PRKG1: variants seen among roughly 807,000 people sequenced by gnomAD.
The protein encoded by PRKG1 is cGMP-dependent protein kinase 1.
In PRKG1, 35 loss-of-function variants were observed where a neutral mutation model predicts 88.1. The observed-to-expected ratio is 0.40, with a 90% CI of 0.30 to 0.53. The LOEUF is 0.53. Ranked by LOEUF, PRKG1 falls within the 20% of genes least tolerant of loss-of-function variation. The pLI, the probability that PRKG1 is intolerant of heterozygous loss-of-function variation, is 0.59. For synonymous variants in PRKG1, 303 were observed against 292.5 expected (o/e 1.04, Z -0.37); for missense variants, 540 against 839.8 (o/e 0.64, Z 4.41).
chr10:52,286,639 TA>T (rs1464447421), intron 14 of PRKG1, among the ~76,000 whole-genome samples: 1 of 152,030 alleles, frequency 6.6e-6, no homozygotes, highest in Non-Finnish European at 1.5e-5. Context: ...ACTATAGGTA[TA>T]CTTATTTCTC....
intron 14 of PRKG1, among the ~76,000 whole-genome samples, chr10:52,283,947 C>T (rs1258352601): frequency 2.6e-5 from 4 of 151,890 alleles, no homozygotes. Flanking sequence ...AACATGACAA[C>T]TTATATTTCT....
intron 2 of PRKG1, among the ~76,000 whole-genome samples, chr10:51,182,438 G>A (rs1837371867): frequency 6.6e-6 from 1 of 152,170 alleles, no homozygotes; most frequent in Non-Finnish European, 1.5e-5. Flanking sequence ...TTTTACTGTA[G>A]CCACTTCCCT....
intron 7 of PRKG1, among the ~76,000 whole-genome samples, chr10:52,076,001 A>T (rs1846619712): frequency 5.9e-5 from 9 of 152,222 alleles, no homozygotes; most frequent in Admixed American, 5.9e-4. Context: ...GGGATAATTT[A>T]TCAATTGATT....
intron 2 of PRKG1, among the ~76,000 whole-genome samples, chr10:51,273,158 G>T (rs1001988357): frequency 3.9e-5 from 6 of 152,102 alleles, no homozygotes; most frequent in African/African-American, 1.4e-4. Context: ...TAGAAGTGTT[G>T]CATGAAATCC....
At chr10:51,714,697 G>C (rs903075839) in intron 3 of PRKG1, among the ~76,000 whole-genome samples, 4 of 152,150 alleles carry the variant, frequency 2.6e-5, no homozygotes, top group African/African-American at 9.7e-5. Flanking sequence ...GTCACTGAAA[G>C]ACTGATTTAT....
At chr10:52,054,794 GAT>G (rs1846071479) in intron 6 of PRKG1, among the ~76,000 whole-genome samples, 1 of 152,062 alleles carries the variant, frequency 6.6e-6, no homozygotes, top group Non-Finnish European at 1.5e-5. Context: ...AGATGACACT[GAT>G]ATATTTGTGT....
In PRKG1 at chr10:51,115,985, G is replaced by A. The variant is rs576516102; in HGVS notation, c.312-37179G>A. ...TTCTTGTAGAGGAGACCGAGTACAT[G>A]TATAGGCTGGGCGAAGGAGAGAGCT... On this transcript the variant is annotated intron_variant, in intron 1 of 17. Coordinates refer to ENST00000373980, the MANE Select transcript of PRKG1 (RefSeq NM_006258.4). 3.3e-5 allele frequency among the ~76,000 whole-genome samples: 5 copies of A among 152,284 alleles called. No homozygotes were observed. In the South Asian group the frequency reaches 1.0e-3, roughly 32 times the overall value.
At chr10:51,968,737 C>A (rs1843631809) in intron 5 of PRKG1, among the ~76,000 whole-genome samples, 1 of 149,678 alleles carries the variant, frequency 6.7e-6, no homozygotes, top group South Asian at 2.1e-4. Context: ...GCAGGATAAT[C>A]GCTTAAATCC....
intron 3 of PRKG1, among the ~76,000 whole-genome samples, chr10:51,530,656 T>C (rs1442797781): frequency 6.6e-6 from 1 of 152,176 alleles, no homozygotes; most frequent in Non-Finnish European, 1.5e-5. Flanking sequence ...CCTTTGTTGA[T>C]ATTTTGCCTG....
At chr10:52,211,539 G>A (rs1443066372) in intron 9 of PRKG1, among the ~76,000 whole-genome samples, 1 of 151,842 alleles carries the variant, frequency 6.6e-6, no homozygotes, top group Non-Finnish European at 1.5e-5. Flanking sequence ...CTATCAGATG[G>A]TACAGTAATG....
At chr10:51,137,432 A>G (rs186867164) in intron 1 of PRKG1, among the ~76,000 whole-genome samples, 42 of 152,252 alleles carry the variant, frequency 2.8e-4, no homozygotes, top group African/African-American at 9.9e-4. Flanking sequence ...GGGCATCTGT[A>G]TTTTTAAAAA....
chr10:52,023,076 A>C (rs1427917241), intron 5 of PRKG1, among the ~76,000 whole-genome samples: 4 of 151,810 alleles, frequency 2.6e-5, no homozygotes, highest in Non-Finnish European at 5.9e-5. Flanking sequence ...AGCCCCCCAC[A>C]CCCCGACAGG....
At position 52,227,972 on chromosome 10, in the gene PRKG1, C is replaced by A. The variant is rs539149315; in HGVS notation, c.1077-23598C>A. ...TCTTTCCCTTTCCAGAGGAAGTTAGCGATGCCATAGCTTTAATGTCTGTTT... is the reference window on the plus strand; with the variant it reads ...TCTTTCCCTTTCCAGAGGAAGTTAGAGATGCCATAGCTTTAATGTCTGTTT... On this transcript the variant is annotated intron_variant, in intron 9 of 17. Coordinates refer to ENST00000373980, the MANE Select transcript of PRKG1 (RefSeq NM_006258.4). 1.2e-4 allele frequency among the ~76,000 whole-genome samples: 18 copies of A among 152,186 alleles called. No individual in the cohort carries two copies. The South Asian group carries it at 3.5e-3, about 30-fold the overall frequency.
At chr10:51,765,981 T>C (rs1030391034) in intron 3 of PRKG1, among the ~76,000 whole-genome samples, 1 of 152,078 alleles carries the variant, frequency 6.6e-6, no homozygotes, top group Non-Finnish European at 1.5e-5. Flanking sequence ...ATGAGTACAC[T>C]CTTCCTGGCT....
chr10:52,292,502 C>G (rs1842274693), intron 17 of PRKG1, among the ~76,000 whole-genome samples: 2 of 151,900 alleles, frequency 1.3e-5, no homozygotes. Flanking sequence ...TTTCCCAGCA[C>G]CATTTATTAA....
intron 9 of PRKG1, among the ~76,000 whole-genome samples, chr10:52,209,627 CAT>C (rs1839910981): frequency 6.6e-6 from 1 of 152,068 alleles, no homozygotes; most frequent in African/African-American, 2.4e-5. Context: ...TGCCAGAAGT[CAT>C]AATCTCATGA....
At chr10:51,963,728 G>A (rs374176470) in intron 5 of PRKG1, among the ~76,000 whole-genome samples, 19 of 152,246 alleles carry the variant, frequency 1.2e-4, no homozygotes, top group South Asian at 1.2e-3. Context: ...GATTACAGGC[G>A]TGAGGCACTG....
chr10:51,940,472 G>C (rs990864339), intron 5 of PRKG1, among the ~76,000 whole-genome samples: 2 of 151,852 alleles, frequency 1.3e-5, no homozygotes, highest in African/African-American at 4.8e-5. Context: ...CTGGGTCAAG[G>C]CCTCTGTTTA....
In PRKG1 at chr10:51,268,486, C is replaced by G. The variant is rs556460671; in HGVS notation, c.478+115156C>G. ...TGCATTCTCTTTCTCAGGGATGTTC[C>G]TTGCTGAGAAAAAGAATTCAGGGAT... On this transcript the variant is annotated intron_variant, in intron 2 of 17. Transcript: ENST00000373980. 1.1e-3 allele frequency among the ~76,000 whole-genome samples: 166 copies of G among 152,230 alleles called. 1 individual carries two copies. Among genetic ancestry groups the G allele is most frequent in the South Asian group, 2.9e-3 (14 of 4,818 alleles).
Sources: gnomAD v4.1 joint callset for allele counts (sites outside exome capture counted in the v4.1 genomes callset) on GRCh38, gnomAD v4.1.1 for gene constraint, MANE v1.5 for transcripts, NCBI Gene and HGNC (gene_info 2026-07-23, HGNC 2026-07-21) for gene names.